REDIC1: variants seen among roughly 807,000 people sequenced by gnomAD.
The protein encoded by REDIC1 is HEI10 Interacting Protein 1.
the REDIC1 span, among the ~76,000 whole-genome samples, chr12:39,710,335 A>T: frequency 6.6e-6 from 1 of 151,890 alleles, no homozygotes; most frequent in South Asian, 2.1e-4. Flanking sequence ...AAATGTACAT[A>T]CAGGCAAAAA....
At chr12:39,812,187 C>G in the REDIC1 span, among the ~76,000 whole-genome samples, 1 of 152,152 alleles carries the variant, frequency 6.6e-6, no homozygotes, top group African/African-American at 2.4e-5. Flanking sequence ...CATCTTTCAT[C>G]TGTGCCCTCA....
At chr12:39,899,752 C>A in the REDIC1 span, among the ~76,000 whole-genome samples, 1 of 152,126 alleles carries the variant, frequency 6.6e-6, no homozygotes, top group Non-Finnish European at 1.5e-5. Context: ...AGTAGTCATT[C>A]AGGAGCAGGT....
At chr12:39,671,768 C>G in the REDIC1 span, among the ~76,000 whole-genome samples, 1 of 151,994 alleles carries the variant, frequency 6.6e-6, no homozygotes, top group East Asian at 1.9e-4. Flanking sequence ...AGCCCATCCT[C>G]AAGCTCTGGG....
the REDIC1 span, among the ~76,000 whole-genome samples, chr12:39,834,800 T>C: frequency 2.6e-5 from 4 of 152,126 alleles, no homozygotes; most frequent in Admixed American, 1.3e-4. Context: ...GACTATTTTA[T>C]GGCAAAATTC....
At chr12:39,764,592 T>C in the REDIC1 span, 3 of 1,603,672 alleles carry the variant, frequency 1.9e-6, no homozygotes, top group Non-Finnish European at 8.5e-7. Flanking sequence ...GAATTCACAG[T>C]CCAAGGCATT....
At chr12:39,646,998 C>A in the REDIC1 span, 3 of 653,824 alleles carry the variant, frequency 4.6e-6, no homozygotes, top group Admixed American at 3.2e-5. Flanking sequence ...AATTTTGAGT[C>A]TTTAATTCTT....
At chr12:39,904,773 TG>T in the REDIC1 span, among the ~76,000 whole-genome samples, 1 of 152,144 alleles carries the variant, frequency 6.6e-6, no homozygotes, top group Non-Finnish European at 1.5e-5. Context: ...TTTTAATATC[TG>T]GACTTCTAAG....
the REDIC1 span, among the ~76,000 whole-genome samples, chr12:39,779,143 T>C: frequency 6.6e-6 from 1 of 152,166 alleles, no homozygotes; most frequent in Non-Finnish European, 1.5e-5. Context: ...GGGTGGCCTA[T>C]GGGCGGGGTG....
chr12:39,873,017 T>G, the REDIC1 span, among the ~76,000 whole-genome samples: 2 of 152,206 alleles, frequency 1.3e-5, no homozygotes, highest in Non-Finnish European at 2.9e-5. Context: ...TCAAATCTGT[T>G]TTGAATACGT....
the REDIC1 span, among the ~76,000 whole-genome samples, chr12:39,672,991 G>A: frequency 6.6e-6 from 1 of 152,114 alleles, no homozygotes; most frequent in Non-Finnish European, 1.5e-5. Context: ...CAGAGCCCAT[G>A]AGGGTTGAGG....
the REDIC1 span, among the ~76,000 whole-genome samples, chr12:39,665,525 C>G: frequency 6.7e-6 from 1 of 149,976 alleles, no homozygotes; most frequent in African/African-American, 2.5e-5. Flanking sequence ...CAGCTTTGTT[C>G]TTTTGGCTTA....
At chr12:39,728,106 C>T in the REDIC1 span, among the ~76,000 whole-genome samples, 1 of 152,140 alleles carries the variant, frequency 6.6e-6, no homozygotes, top group African/African-American at 2.4e-5. Context: ...CAAACAGAGA[C>T]AATTTGACTT....
the REDIC1 span, among the ~76,000 whole-genome samples, chr12:39,800,110 T>G: frequency 6.6e-6 from 1 of 152,184 alleles, no homozygotes; most frequent in African/African-American, 2.4e-5. Flanking sequence ...CAATAAAAAA[T>G]CAGGGCAACT....
the REDIC1 span, among the ~76,000 whole-genome samples, chr12:39,665,037 A>G: frequency 6.6e-6 from 1 of 152,090 alleles, no homozygotes; most frequent in Non-Finnish European, 1.5e-5. Context: ...GTTCATTCTG[A>G]TCATAGTTTC....
chr12:39,710,658 T>C, the REDIC1 span, among the ~76,000 whole-genome samples: 590 of 151,948 alleles, frequency 3.9e-3, 4 homozygotes, highest in African/African-American at 0.013. Flanking sequence ...TCTATACTTA[T>C]GTTTTCTCTA....
chr12:39,827,999 T>C, the REDIC1 span, among the ~76,000 whole-genome samples: 1 of 152,148 alleles, frequency 6.6e-6, no homozygotes, highest in Non-Finnish European at 1.5e-5. Flanking sequence ...AGGTCATGGT[T>C]GACTTTGCCC....
the REDIC1 span, among the ~76,000 whole-genome samples, chr12:39,906,098 T>C: frequency 1.4e-5 from 2 of 146,460 alleles, no homozygotes; most frequent in Non-Finnish European, 1.5e-5. Context: ...AATTCACCTA[T>C]GTTGGACAAA....
chr12:39,681,415 C>G, the REDIC1 span, among the ~76,000 whole-genome samples: 1 of 152,084 alleles, frequency 6.6e-6, no homozygotes, highest in Non-Finnish European at 1.5e-5. Context: ...GTAACCACCA[C>G]TAAAGAACTT....
the REDIC1 span, among the ~76,000 whole-genome samples, chr12:39,854,623 C>T: frequency 6.6e-6 from 1 of 152,114 alleles, no homozygotes; most frequent in Non-Finnish European, 1.5e-5. Context: ...AATCTATATC[C>T]CAAAACTCAC....
Sources: gnomAD v4.1 joint callset for allele counts (sites outside exome capture counted in the v4.1 genomes callset) on GRCh38, gnomAD v4.1.1 for gene constraint, MANE v1.5 for transcripts, NCBI Gene and HGNC (gene_info 2026-07-23, HGNC 2026-07-21) for gene names.